Variants in HOMER1 observed in about 807,000 individuals in gnomAD.
HOMER1 encodes the protein homer protein homolog 1.
Under a neutral mutation model 48.9 loss-of-function variants are expected in HOMER1, and 3 were observed. That is an observed-to-expected ratio of 0.06 (90% CI 0.03 to 0.16). HOMER1 has a LOEUF of 0.16. HOMER1 is among the 10% of genes least tolerant of loss of function. The pLI, the probability that HOMER1 is intolerant of heterozygous loss-of-function variation, is 1.00. For synonymous variants in HOMER1, 134 were observed against 146.4 expected, an observed-to-expected ratio of 0.92 and a Z score of 0.61; for missense variants, 247 against 411.4, an observed-to-expected ratio of 0.60 and a Z score of 3.46.
chr5:79,374,009 C>T lies in HOMER1; in HGVS notation c.*2000G>A, dbSNP rs891373945. 1.3e-5 allele frequency: 2 copies of T among 151,910 alleles called. No homozygotes were observed. The highest frequency in any genetic ancestry group is 4.2e-4 in the South Asian group (2 of 4,810). The allele number at this position is 151,910 out of a possible 1,614,324, so 9.4% of individuals were successfully genotyped here. The stretch of plus-strand genomic sequence containing the variant: ...TTACATCATTAAAATAATTCACTTG[C>T]CATTTCAACAGCTTACACTGTTTTT... On this transcript the variant is annotated 3_prime_UTR_variant, in exon 9 of 9. Transcript: ENST00000334082.
chr5:79,450,252 G>GA (rs1177782522), intron 3 of HOMER1, among the ~76,000 whole-genome samples: 3 of 152,200 alleles, frequency 2.0e-5, no homozygotes, highest in Admixed American at 2.0e-4. Flanking sequence ...GCTCTGAAGA[G>GA]AAAAGTGAGT....
intron 1 of HOMER1, among the ~76,000 whole-genome samples, chr5:79,482,433 C>T (rs746594520): frequency 4.0e-5 from 6 of 151,536 alleles, no homozygotes; most frequent in Non-Finnish European, 5.9e-5. Context: ...ATAAGGTAGA[C>T]GAAGACATAA....
At chr5:79,465,465 TAAGTA>T (rs1318656685) in intron 1 of HOMER1, among the ~76,000 whole-genome samples, 3 of 152,082 alleles carry the variant, frequency 2.0e-5, no homozygotes, top group African/African-American at 7.2e-5. Context: ...TTCATGACAT[TAAGTA>T]TTTAATTGAT....
chr5:79,441,084 T>C (rs1750723790), intron 4 of HOMER1, among the ~76,000 whole-genome samples: 1 of 152,006 alleles, frequency 6.6e-6, no homozygotes, highest in South Asian at 2.1e-4. Flanking sequence ...CGCTTGAACC[T>C]GGGAGGTGGA....
At chr5:79,499,413 CT>C (rs1397558349) in intron 1 of HOMER1, among the ~76,000 whole-genome samples, 4 of 152,030 alleles carry the variant, frequency 2.6e-5, no homozygotes, top group African/African-American at 9.7e-5. Flanking sequence ...ACAGTTGACC[CT>C]TAAACATGGG....
chr5:79,485,521 G>A (rs1274276878), intron 1 of HOMER1, among the ~76,000 whole-genome samples: 1 of 152,140 alleles, frequency 6.6e-6, no homozygotes, highest in Non-Finnish European at 1.5e-5. Flanking sequence ...GCTTTCCTTA[G>A]TGCGAATGTA....
intron 5 of HOMER1, among the ~76,000 whole-genome samples, chr5:79,419,002 TTTAAG>T (rs1381307191): frequency 8.5e-5 from 13 of 152,230 alleles, no homozygotes; most frequent in Admixed American, 7.2e-4. Flanking sequence ...ATTAAACAGA[TTTAAG>T]TTATTATTCC....
At chr5:79,458,014 T>C (rs936946491) in intron 1 of HOMER1, among the ~76,000 whole-genome samples, 1 of 152,226 alleles carries the variant, frequency 6.6e-6, no homozygotes, top group Admixed American at 6.5e-5. Context: ...ACATTCACTA[T>C]AATCGCTACT....
At chr5:79,389,149 A>G (rs1159292613) in intron 8 of HOMER1, among the ~76,000 whole-genome samples, 1 of 152,180 alleles carries the variant, frequency 6.6e-6, no homozygotes, top group Non-Finnish European at 1.5e-5. Flanking sequence ...CTCAAAAGAA[A>G]TATACAAAAC....
At chr5:79,475,570 T>C (rs1005153570) in intron 1 of HOMER1, among the ~76,000 whole-genome samples, 7 of 152,134 alleles carry the variant, frequency 4.6e-5, no homozygotes, top group Non-Finnish European at 7.4e-5. Flanking sequence ...CCACATGTGA[T>C]AAAATCTAGC....
At chr5:79,468,549 T>C (rs568404197) in intron 1 of HOMER1, among the ~76,000 whole-genome samples, 4 of 152,342 alleles carry the variant, frequency 2.6e-5, no homozygotes, top group African/African-American at 4.8e-5. Flanking sequence ...TCAAATAACA[T>C]ATGTTGTTCA....
chr5:79,390,258 C>T lies in HOMER1; in HGVS notation c.876+6565G>A, dbSNP rs149742092. 3.8e-3 allele frequency among the ~76,000 whole-genome samples: 585 copies of T among 152,206 alleles called. 3 individuals carry two copies. The highest frequency in any genetic ancestry group is 0.013 in the African/African-American group (541 of 41,514). On this transcript the variant is annotated intron_variant, in intron 8 of 8. Coordinates refer to ENST00000334082, the MANE Select transcript of HOMER1 (RefSeq NM_004272.5). ...CTGTGATTGTGCCACTGGCCTCCAG[C>T]CTGGGTGACAGAGTGAGACTCTGTC...
chr5:79,468,291 A>T (rs1453908955), intron 1 of HOMER1, among the ~76,000 whole-genome samples: 1 of 152,228 alleles, frequency 6.6e-6, no homozygotes, highest in Non-Finnish European at 1.5e-5. Flanking sequence ...TACTTTTTCC[A>T]ACAGAAATTT....
intron 1 of HOMER1, among the ~76,000 whole-genome samples, chr5:79,467,059 G>C (rs1014748905): frequency 2.0e-5 from 3 of 152,110 alleles, no homozygotes; most frequent in African/African-American, 7.2e-5. Flanking sequence ...CAATGTGCTG[G>C]GATTACAGGT....
chr5:79,389,589 TC>T (rs1283910270), intron 8 of HOMER1, among the ~76,000 whole-genome samples: 1 of 152,178 alleles, frequency 6.6e-6, no homozygotes, highest in Non-Finnish European at 1.5e-5. Flanking sequence ...TGCTCTTCCA[TC>T]TTCCCCGATG....
At chr5:79,385,492 T>TA (rs954919581) in intron 8 of HOMER1, among the ~76,000 whole-genome samples, 1 of 151,980 alleles carries the variant, frequency 6.6e-6, no homozygotes, top group Non-Finnish European at 1.5e-5. Context: ...ACAGGTATAT[T>TA]AAAAAATGCT....
intron 1 of HOMER1, among the ~76,000 whole-genome samples, chr5:79,485,193 A>T (rs535572844): frequency 6.6e-6 from 1 of 152,346 alleles, no homozygotes; most frequent in African/African-American, 2.4e-5. Flanking sequence ...TGAGAGTACT[A>T]AACATTTCTT....
chr5:79,497,662 G>GA (rs1212983044), intron 1 of HOMER1, among the ~76,000 whole-genome samples: 1,449 of 73,100 alleles, frequency 0.02, 21 homozygotes, highest in South Asian at 0.047. Context: ...CTGTCTCAAA[G>GA]AAAAAAAAAA....
At chr5:79,486,408 T>C (rs1244610324) in intron 1 of HOMER1, among the ~76,000 whole-genome samples, 1 of 152,192 alleles carries the variant, frequency 6.6e-6, no homozygotes, top group Non-Finnish European at 1.5e-5. Flanking sequence ...AAGTACAGTG[T>C]AGCTGAACAC....
Sources: allele counts gnomAD v4.1 joint callset (sites outside exome capture counted in the v4.1 genomes callset), GRCh38; gene constraint gnomAD v4.1.1; transcripts MANE v1.5; gene names NCBI Gene and HGNC (gene_info 2026-07-23, HGNC 2026-07-21).